Variants in PDE9A observed in about 807,000 individuals in gnomAD.
PDE9A encodes the protein high affinity cGMP-specific 3',5'-cyclic phosphodiesterase 9A.
Under a neutral mutation model 87.4 loss-of-function variants are expected in PDE9A, and 60 were observed. That is an observed-to-expected ratio of 0.69 (90% CI 0.56 to 0.85). PDE9A has a LOEUF of 0.85. Ranked by LOEUF, PDE9A falls within the 40% of genes least tolerant of loss-of-function variation. The pLI is 0.00. For missense variants in PDE9A, 665 were observed against 779.0 expected (o/e 0.85, Z 1.74); for synonymous variants, 272 against 279.4 (o/e 0.97, Z 0.27).
At chr21:42,701,576 A>G (rs2048388073) in intron 4 of PDE9A, among the ~76,000 whole-genome samples, 1 of 152,012 alleles carries the variant, frequency 6.6e-6, no homozygotes, top group Non-Finnish European at 1.5e-5. Context: ...AGCTGGGACT[A>G]TAGGCACACA....
Position 42,686,157 on chromosome 21 carries a change from C to T in PDE9A, c.70-35C>T, listed in dbSNP as rs186723223. On this transcript the variant is annotated intron_variant, in intron 1 of 19. Coordinates refer to ENST00000291539, the MANE Select transcript of PDE9A (RefSeq NM_002606.3). ...TGACGTCTCCAGGGAGACCCGCCGC[C>T]CTCGCTGCCGCCTCACCGCGCTTCT... The T allele has an allele frequency of 4.1e-4, 640 of 1,574,716 alleles. 2 individuals carry two copies. The highest frequency in any genetic ancestry group is 1.5e-3 in the Middle Eastern group (9 of 5,984).
At chr21:42,730,086 T>C (rs2051561935) in intron 4 of PDE9A, among the ~76,000 whole-genome samples, 1 of 152,222 alleles carries the variant, frequency 6.6e-6, no homozygotes, top group South Asian at 2.1e-4. Context: ...ACGCTACCTT[T>C]TCCAGACAAT....
At chr21:42,687,352 G>A (rs896886124) in intron 2 of PDE9A, among the ~76,000 whole-genome samples, 9 of 152,158 alleles carry the variant, frequency 5.9e-5, no homozygotes, top group East Asian at 1.9e-4. Context: ...ACAGTATTCC[G>A]TATAGCAGCC....
Position 42,702,333 on chromosome 21 carries a change from C to G in PDE9A, c.262+3322C>G, listed in dbSNP as rs2048447229. 6.6e-6 allele frequency among the ~76,000 whole-genome samples: 1 copy of G among 152,016 alleles called. No individual in the cohort carries two copies. Among genetic ancestry groups the G allele is most frequent in the Admixed American group, 6.6e-5 (1 of 15,248 alleles). On this transcript the variant is annotated intron_variant, in intron 4 of 19. Transcript: ENST00000291539. This position sits in a 1 kb window ranked among gnomAD's most constrained non-coding sequence, Gnocchi z 4.9. ...ATGTTTCCCTCCTTTTTCGTATCTC[C>G]CATTTTTACATCTCCCATTTATGCC...
intron 1 of PDE9A, among the ~76,000 whole-genome samples, chr21:42,661,070 C>T (rs1408114694): frequency 4.0e-5 from 6 of 149,288 alleles, no homozygotes; most frequent in African/African-American, 1.2e-4. Context: ...CTCGCTCTGT[C>T]GCCCAGGCTA....
intron 10 of PDE9A, chr21:42,758,543 C>T (rs74797095): frequency 0.013 from 1,925 of 153,610 alleles, 34 homozygotes; most frequent in African/African-American, 0.043. Flanking sequence ...TCTGTGATGC[C>T]ACCTGTGCTC....
intron 15 of PDE9A, 106 bp downstream of exon 15, chr21:42,765,600 C>G (rs780158509): frequency 2.5e-5 from 18 of 728,668 alleles, no homozygotes; most frequent in Non-Finnish European, 4.3e-5. Context: ...TATTAGTCTT[C>G]TTGGAACAAG....
chr21:42,772,383 A>G (rs2057101855), intron 18 of PDE9A, 56 bp from the exon 19 acceptor site: 1 of 1,163,230 alleles, frequency 8.6e-7, no homozygotes, highest in Non-Finnish European at 1.3e-6. Context: ...AGAGAGGCAG[A>G]CACTCCCCTG....
rs2052863468 is a variant in PDE9A at position 42,739,430 on chromosome 21, C to G, written c.569-4346C>G. ...AAGGCCAGGGAGTGAGGAGGCAGGACCCCCGGGGACACAGGCACACACATC... is the reference window on the plus strand; with the variant it reads ...AAGGCCAGGGAGTGAGGAGGCAGGAGCCCCGGGGACACAGGCACACACATC... On this transcript the variant is annotated intron_variant, in intron 7 of 19. Transcript: ENST00000291539. The surrounding 1 kb of genome is among the most constrained non-coding windows in gnomAD (Gnocchi z 4.1). 6.6e-6 allele frequency among the ~76,000 whole-genome samples: 1 copy of G among 152,186 alleles called. No individual in the cohort carries two copies. The highest frequency in any genetic ancestry group is 6.5e-5 in the Admixed American group (1 of 15,282).
chr21:42,747,627 C>T (rs1461506790), intron 8 of PDE9A, among the ~76,000 whole-genome samples: 1 of 152,232 alleles, frequency 6.6e-6, no homozygotes. Flanking sequence ...CCTGCTTTTC[C>T]CTCAAAGAGG....
chr21:42,762,691 T>G (rs2055935288), intron 14 of PDE9A, among the ~76,000 whole-genome samples: 4 of 152,034 alleles, frequency 2.6e-5, no homozygotes, highest in Admixed American at 2.0e-4. Flanking sequence ...CCCTTCCTTT[T>G]ATTTATTTTT....
intron 1 of PDE9A, among the ~76,000 whole-genome samples, chr21:42,656,401 G>A (rs1236896098): frequency 1.3e-5 from 2 of 152,252 alleles, no homozygotes; most frequent in Non-Finnish European, 2.9e-5. Context: ...CGGGGAGGAA[G>A]GAGGGAACAT....
chr21:42,690,704 C>T (rs2059778251), intron 3 of PDE9A, among the ~76,000 whole-genome samples: 1 of 152,058 alleles, frequency 6.6e-6, no homozygotes, highest in African/African-American at 2.4e-5. Context: ...GCCTCTCCCA[C>T]ACGGCTGCCA....
At chr21:42,724,800 G>A (rs2050875605) in intron 4 of PDE9A, among the ~76,000 whole-genome samples, 2 of 152,206 alleles carry the variant, frequency 1.3e-5, no homozygotes, top group African/African-American at 2.4e-5. Flanking sequence ...GCACTGAACT[G>A]AGCACACCAC....
At chr21:42,749,079 G>A (rs1444237463) in intron 8 of PDE9A, among the ~76,000 whole-genome samples, 1 of 152,188 alleles carries the variant, frequency 6.6e-6, no homozygotes, top group East Asian at 1.9e-4. Context: ...TGTTACAGCA[G>A]ATCACACCAC....
At chr21:42,661,034 A>G (rs1363939907) in intron 1 of PDE9A, among the ~76,000 whole-genome samples, 4 of 144,566 alleles carry the variant, frequency 2.8e-5, no homozygotes, top group Admixed American at 1.4e-4. Context: ...TTCTCTGCCA[A>G]TTTTTTTTTT....
At chr21:42,763,273 T>C (rs899751492) in intron 14 of PDE9A, among the ~76,000 whole-genome samples, 4 of 152,226 alleles carry the variant, frequency 2.6e-5, no homozygotes, top group Non-Finnish European at 5.9e-5. Flanking sequence ...GTGAATGTGA[T>C]CTTATTTGGA....
chr21:42,670,488 T>G (rs2058461745), intron 1 of PDE9A, among the ~76,000 whole-genome samples: 2 of 149,646 alleles, frequency 1.3e-5, no homozygotes, highest in African/African-American at 4.9e-5. Flanking sequence ...ACACATACAC[T>G]TACACACGCA....
chr21:42,754,136 C>A, intron 10 of PDE9A, 72 bp downstream of exon 10: 2 of 814,314 alleles, frequency 2.5e-6, no homozygotes, highest in Admixed American at 4.3e-5. Context: ...AGTGGGACCA[C>A]CCCCATCGCT....
Sources: gnomAD v4.1 joint callset for allele counts (sites outside exome capture counted in the v4.1 genomes callset) on GRCh38, gnomAD v4.1.1 for gene constraint, Gnocchi (gnomAD v3.1) non-coding constraint, MANE v1.5 for transcripts, NCBI Gene and HGNC (gene_info 2026-07-23, HGNC 2026-07-21) for gene names.